The following CRHR1 variants were observed in gnomAD, a reference collection of about 807,000 sequenced individuals.
The protein encoded by CRHR1 is corticotropin releasing hormone receptor 1, also known as corticotropin-releasing hormone receptor 1.
A neutral mutation model predicts 56.0 loss-of-function variants in CRHR1; 28 were observed. The ratio of observed to expected loss-of-function variants is 0.50; its 90% confidence interval spans 0.37 to 0.69. CRHR1 has a LOEUF of 0.69. CRHR1 is among the 30% of genes least tolerant of loss of function. The probability of loss-of-function intolerance (pLI) is 0.00; values close to 1 mark genes in which losing one functional copy is unlikely to be tolerated. For missense variants in CRHR1, 376 were observed against 548.0 expected, an observed-to-expected ratio of 0.69 and a Z score of 3.13; for synonymous variants, 195 against 216.5, an observed-to-expected ratio of 0.90 and a Z score of 0.87.
At chr17:45,817,182 G>A (rs998059824) in intron 3 of CRHR1, among the ~76,000 whole-genome samples, 7 of 152,170 alleles carry the variant, frequency 4.6e-5, no homozygotes, top group African/African-American at 9.7e-5. Flanking sequence ...CTGGCTCCCC[G>A]GAGGCCCGAA....
intron 1 of CRHR1, among the ~76,000 whole-genome samples, chr17:45,790,445 C>G (rs550051006): frequency 6.6e-6 from 1 of 152,142 alleles, no homozygotes; most frequent in Non-Finnish European, 1.5e-5. Context: ...CGTAGAACTG[C>G]GGATTCAAAT....
chr17:45,809,163 TG>T (rs536435574), intron 2 of CRHR1, among the ~76,000 whole-genome samples: 249 of 151,994 alleles, frequency 1.6e-3, no homozygotes, highest in African/African-American at 5.7e-3. Context: ...GACCAGTAGG[TG>T]GGTTTGGCGG....
Position 45,807,130 on chromosome 17 carries a change from C to T in CRHR1, c.121+33C>T, listed in dbSNP as rs755621596. 2.5e-6 allele frequency: 4 copies of T among 1,592,104 alleles called. No individual in the cohort carries two copies. In the Admixed American group the frequency reaches 6.7e-5, roughly 27 times the overall value. ...CCCTCAACCCCCTCCTGCAAGATTC[C>T]TGGTCACCACAATGCCCCCTACCCC... On this transcript the variant is annotated intron_variant, in intron 2 of 12. Coordinates refer to ENST00000314537, the MANE Select transcript of CRHR1 (RefSeq NM_004382.5).
At chr17:45,822,130 G>A (rs2062055224) in intron 4 of CRHR1, among the ~76,000 whole-genome samples, 1 of 152,094 alleles carries the variant, frequency 6.6e-6, no homozygotes, top group South Asian at 2.1e-4. Flanking sequence ...TATACACACT[G>A]TCTACACCTT....
intron 2 of CRHR1, among the ~76,000 whole-genome samples, chr17:45,814,749 C>T (rs890146702): frequency 1.2e-4 from 19 of 152,360 alleles, no homozygotes; most frequent in African/African-American, 4.3e-4. Flanking sequence ...TCCACTGCTT[C>T]CACTGCCACT....
At chr17:45,833,574 T>G in intron 10 of CRHR1, 37 bp downstream of exon 10, 1 of 1,598,910 alleles carries the variant, frequency 6.3e-7, no homozygotes, top group South Asian at 1.1e-5. Context: ...CTCCCCCTGA[T>G]GAAACCCCTG....
At chr17:45,793,946 C>G (rs2061471887) in intron 1 of CRHR1, among the ~76,000 whole-genome samples, 1 of 152,186 alleles carries the variant, frequency 6.6e-6, no homozygotes, top group South Asian at 2.1e-4. Flanking sequence ...CCAGTGAGAC[C>G]TGCTGTTTTC....
At chr17:45,833,693 T>TGGGGGGGGGGGGCCCCCCCC in intron 10 of CRHR1, 21 bp from the exon 11 acceptor site, 1 of 1,571,616 alleles carries the variant, frequency 6.4e-7, no homozygotes, top group Non-Finnish European at 8.7e-7. Context: ...ACTCCGAGCC[T>TGGGGGGGGGGGGCCCCCCCC]CCCCACCCGC....
chr17:45,830,255 C>T (rs749774103), intron 6 of CRHR1, 41 bp downstream of exon 6: 1 of 1,610,138 alleles, frequency 6.2e-7, no homozygotes, highest in East Asian at 2.2e-5. Context: ...TCAGGCCAAA[C>T]CCAGGTCAGA....
intron 1 of CRHR1, 26 bp from the exon 2 acceptor site, chr17:45,806,984 G>A: frequency 7.5e-6 from 12 of 1,606,764 alleles, no homozygotes; most frequent in Non-Finnish European, 9.4e-6. Context: ...CCTGCCTAAT[G>A]TGTCCTTCGC....
chr17:45,820,827 A>G (rs2062024279), intron 3 of CRHR1, among the ~76,000 whole-genome samples: 1 of 152,138 alleles, frequency 6.6e-6, no homozygotes, highest in Admixed American at 6.5e-5. Flanking sequence ...ACAGCCAGTG[A>G]GGACCTCCCA....
At chr17:45,827,941 A>G (rs560070518) in intron 4 of CRHR1, 1 of 152,276 alleles carries the variant, frequency 6.6e-6, no homozygotes, top group African/African-American at 2.4e-5. Context: ...GGCCGTTGTG[A>G]GCTCAGTGCT....
rs1196730380 is a variant in CRHR1, at chr17:45,784,345, G to A, written c.-200G>A. 25 of 318,658 alleles carry A rather than the reference G, an allele frequency of 7.8e-5. No individual in the cohort carries two copies. The highest frequency in any genetic ancestry group is 1.4e-4 in the South Asian group (1 of 7,132). 19.7% of individuals were successfully genotyped at this position (318,658 alleles called of 1,614,324 possible). ...GGGAAACGGCGGCCAGACTTCCCCGGGAAGGGGCGAGCGAGAGCCGGGCCG... is the reference window on the plus strand; with the variant it reads ...GGGAAACGGCGGCCAGACTTCCCCGAGAAGGGGCGAGCGAGAGCCGGGCCG... On this transcript the variant is annotated 5_prime_UTR_variant, in exon 1 of 13. Transcript: ENST00000314537. The surrounding 1 kb of genome is among the most constrained non-coding windows in gnomAD (Gnocchi z 4.2).
intron 1 of CRHR1, among the ~76,000 whole-genome samples, chr17:45,797,436 G>C (rs563590275): frequency 2.0e-5 from 3 of 151,776 alleles, no homozygotes; most frequent in Admixed American, 2.0e-4. Flanking sequence ...GACTACAGGC[G>C]CCCGCCACCA....
chr17:45,831,298 G>T (rs2062303342), intron 8 of CRHR1, among the ~76,000 whole-genome samples: 1 of 152,254 alleles, frequency 6.6e-6, no homozygotes, highest in Non-Finnish European at 1.5e-5. Flanking sequence ...AAGGGCTGTT[G>T]TGGGGTGATA....
intron 4 of CRHR1, among the ~76,000 whole-genome samples, chr17:45,828,491 G>A (rs770811252): frequency 2.7e-4 from 41 of 152,232 alleles, no homozygotes; most frequent in Admixed American, 4.6e-4. Context: ...ACTCAAGATT[G>A]CTGTAAAGAG....
At chr17:45,821,193 G>A (rs1172400091) in intron 3 of CRHR1, among the ~76,000 whole-genome samples, 162 bp from the exon 4 acceptor site, 3 of 152,248 alleles carry the variant, frequency 2.0e-5, no homozygotes, top group Non-Finnish European at 1.5e-5. Context: ...GGAAGATGGG[G>A]GTGGTAAGGA....
At position 45,812,225 on chromosome 17, in the gene CRHR1, C is replaced by G. The variant is rs993942594; in HGVS notation, c.122-4238C>G. Among the ~76,000 whole-genome samples the G allele has an allele frequency of 5.9e-5, 9 of 152,148 alleles. No homozygotes were observed. In the South Asian group the frequency reaches 8.3e-4, roughly 14 times the overall value. On this transcript the variant is annotated intron_variant, in intron 2 of 12. Transcript: ENST00000314537. ...AATAATTTCAAGAAAAAAGTCTGTA[C>G]GTGTTCAGTACACTTTTCCCCAAAA... is the stretch of plus-strand genomic sequence containing the variant.
At chr17:45,810,263 C>T (rs1028498011) in intron 2 of CRHR1, among the ~76,000 whole-genome samples, 12 of 152,020 alleles carry the variant, frequency 7.9e-5, no homozygotes, top group South Asian at 2.1e-4. Context: ...CCAATCTGGG[C>T]GACAGAGCGA....
Sources: allele counts gnomAD v4.1 joint callset (sites outside exome capture counted in the v4.1 genomes callset), GRCh38; gene constraint gnomAD v4.1.1; non-coding constraint Gnocchi (gnomAD v3.1); transcripts MANE v1.5; gene names NCBI Gene and HGNC (gene_info 2026-07-23, HGNC 2026-07-21).